Variants in VPS13B observed in about 807,000 individuals in gnomAD.
The protein encoded by VPS13B is intermembrane lipid transfer protein VPS13B.
VPS13B carries 285 observed loss-of-function variants against 426.4 expected under a neutral mutation model. The ratio of observed to expected loss-of-function variants is 0.67; its 90% CI spans 0.61 to 0.74. The LOEUF (loss-of-function observed/expected upper bound fraction) is 0.74. Ranked by LOEUF, VPS13B falls within the 30% of genes least tolerant of loss-of-function variation. The pLI, the probability that VPS13B is intolerant of heterozygous loss-of-function variation, is 0.00. For missense variants in VPS13B, 4,537 were observed against 4,782.6 expected, an observed-to-expected ratio of 0.95 and a Z score of 1.51; for synonymous variants, 1,676 against 1,676.4, an observed-to-expected ratio of 1.00 and a Z score of 0.01.
At chr8:99,505,474 A>G (rs968109892) in intron 27 of VPS13B, among the ~76,000 whole-genome samples, 1 of 152,248 alleles carries the variant, frequency 6.6e-6, no homozygotes, top group Admixed American at 6.5e-5. Flanking sequence ...TGTTTCAGGG[A>G]ATAGGAAGAC....
At chr8:99,858,219 C>T (rs1232748868) in intron 56 of VPS13B, among the ~76,000 whole-genome samples, 1 of 152,224 alleles carries the variant, frequency 6.6e-6, no homozygotes, top group Non-Finnish European at 1.5e-5. Context: ...TCAGACTCCT[C>T]CTCTCCTGGG....
At chr8:99,415,883 G>A (rs529285247) in intron 21 of VPS13B, among the ~76,000 whole-genome samples, 3 of 152,316 alleles carry the variant, frequency 2.0e-5, no homozygotes, top group South Asian at 2.1e-4. Flanking sequence ...CAGTCAGGAA[G>A]CACGGGGGTC....
intron 33 of VPS13B, among the ~76,000 whole-genome samples, chr8:99,625,052 C>A: frequency 6.6e-6 from 1 of 151,810 alleles, no homozygotes; most frequent in African/African-American, 2.4e-5. Context: ...CTCGAACTCC[C>A]AACCTCAGGT....
intron 52 of VPS13B, among the ~76,000 whole-genome samples, chr8:99,834,871 T>G (rs1210524490): frequency 6.6e-6 from 1 of 152,212 alleles, no homozygotes; most frequent in Non-Finnish European, 1.5e-5. Flanking sequence ...CCAAGCACTT[T>G]TAAGGAAGAA....
At position 99,601,085 on chromosome 8, in the gene VPS13B, G is replaced by A. The variant is rs989620715; in HGVS notation, c.5220+23452G>A. On this transcript the variant is annotated intron_variant, in intron 33 of 61. Coordinates refer to ENST00000357162, the MANE Select transcript of VPS13B (RefSeq NM_152564.5). ...AACATAGGTATACACGTACCATGGT[G>A]GTTTGCTGCACCCATCAACCCATCA... Among the ~76,000 whole-genome samples the A allele has an allele frequency of 4.6e-5, 7 of 151,920 alleles. No individual in the cohort carries two copies. The East Asian group carries it at 1.2e-3, about 25-fold the overall frequency.
At chr8:99,289,353 T>C (rs1819609907) in intron 19 of VPS13B, among the ~76,000 whole-genome samples, 1 of 152,116 alleles carries the variant, frequency 6.6e-6, no homozygotes, top group Admixed American at 6.6e-5. Context: ...TATTTTTCAG[T>C]GTATCTATAA....
chr8:99,338,465 T>C (rs1478316246), intron 19 of VPS13B, among the ~76,000 whole-genome samples: 2 of 152,062 alleles, frequency 1.3e-5, no homozygotes, highest in African/African-American at 4.8e-5. Flanking sequence ...AGGATATATT[T>C]ATATTTCAAA....
intron 21 of VPS13B, among the ~76,000 whole-genome samples, chr8:99,399,904 T>A (rs940140922): frequency 1.3e-5 from 2 of 152,206 alleles, no homozygotes; most frequent in African/African-American, 4.8e-5. Context: ...ATACATATAA[T>A]GTCCTATCTT....
chr8:99,799,632 T>A (rs1289314783), intron 43 of VPS13B, among the ~76,000 whole-genome samples: 1 of 152,168 alleles, frequency 6.6e-6, no homozygotes, highest in Non-Finnish European at 1.5e-5. Flanking sequence ...AATTAAAAAT[T>A]AAAGATAATT....
intron 20 of VPS13B, among the ~76,000 whole-genome samples, chr8:99,389,875 T>TA (rs1256609948): frequency 6.6e-6 from 1 of 152,132 alleles, no homozygotes; most frequent in African/African-American, 2.4e-5. Context: ...CACTAAATAT[T>TA]AGAGTATAAG....
At chr8:99,070,011 C>T (rs1190399959) in intron 3 of VPS13B, among the ~76,000 whole-genome samples, 1 of 152,122 alleles carries the variant, frequency 6.6e-6, no homozygotes, top group Admixed American at 6.5e-5. Flanking sequence ...TCAAGTGATT[C>T]CCCCCGCCAC....
At chr8:99,779,157 G>A in intron 42 of VPS13B, 126 bp downstream of exon 42, 1 of 967,274 alleles carries the variant, frequency 1.0e-6, no homozygotes, top group Non-Finnish European at 1.6e-6. Context: ...AATTTGATGG[G>A]CACCATTATA....
intron 44 of VPS13B, among the ~76,000 whole-genome samples, chr8:99,809,960 C>G (rs865942800): frequency 6.6e-6 from 1 of 152,164 alleles, no homozygotes; most frequent in African/African-American, 2.4e-5. Context: ...TGCTGTGATA[C>G]TCTCCCATGA....
chr8:99,764,227 A>T (rs1811089518), intron 39 of VPS13B, among the ~76,000 whole-genome samples: 1 of 152,152 alleles, frequency 6.6e-6, no homozygotes, highest in South Asian at 2.1e-4. Context: ...CTAGGTATAG[A>T]CATGACACAA....
Position 99,720,395 on chromosome 8 carries a change from A to T in VPS13B, c.6708A>T (p.Leu2236Phe), listed in dbSNP as rs1001219779. The change falls in exon 38 of 62, where the codon TTA (leucine) becomes TTT (phenylalanine). Residue 2236 changes from leucine to phenylalanine, a missense_variant. Around this residue, in one of 2 missense-constraint regions of VPS13B, gnomAD observed 4,311 missense variants for 4,474.3 expected, o/e 0.96. Coordinates refer to ENST00000357162, the MANE Select transcript of VPS13B (RefSeq NM_152564.5). Reference sequence around the variant, plus strand: ...ATTGTTTAGTTCTTCTACATGAATTACTCAATGGATACCTTAATGAGGAGG... The same window carrying T: ...ATTGTTTAGTTCTTCTACATGAATTTCTCAATGGATACCTTAATGAGGAGG... The part of the protein sequence containing the change: ...HLNCLVLLHE[L>F]LNGYLNEEGN... 2.0e-5 allele frequency: 32 copies of T among 1,613,784 alleles called. No individual in the cohort carries two copies. The East Asian group carries it at 6.9e-4, about 35-fold the overall frequency.
intron 55 of VPS13B, 149 bp downstream of exon 55, chr8:99,849,043 C>T (rs1241374114): frequency 3.9e-6 from 3 of 770,066 alleles, no homozygotes; most frequent in Admixed American, 2.0e-5. Context: ...GTTATTAGCA[C>T]TAAATCATCC....
chr8:99,284,919 G>A (rs1819355369), intron 19 of VPS13B, among the ~76,000 whole-genome samples: 1 of 152,152 alleles, frequency 6.6e-6, no homozygotes, highest in African/African-American at 2.4e-5. Flanking sequence ...TAAGATTGTT[G>A]TGAAGATTAA....
intron 43 of VPS13B, among the ~76,000 whole-genome samples, chr8:99,792,378 T>A (rs1812585451): frequency 6.6e-6 from 1 of 152,212 alleles, no homozygotes; most frequent in Non-Finnish European, 1.5e-5. Context: ...CTCTAAAGTG[T>A]CTGTGTCAAA....
intron 19 of VPS13B, among the ~76,000 whole-genome samples, chr8:99,276,809 A>G (rs907674709): frequency 2.6e-5 from 4 of 152,144 alleles, no homozygotes; most frequent in African/African-American, 9.6e-5. Flanking sequence ...TAAACTTAAG[A>G]TGATACTAAA....
Sources: allele counts gnomAD v4.1 joint callset (sites outside exome capture counted in the v4.1 genomes callset), GRCh38; gene constraint gnomAD v4.1.1; regional missense constraint gnomAD v4.1.1; transcripts MANE v1.5; gene names NCBI Gene and HGNC (gene_info 2026-07-23, HGNC 2026-07-21).